The following POLR2F variants were observed in gnomAD, a reference collection of about 807,000 sequenced individuals.
The protein encoded by POLR2F is DNA-directed RNA polymerases I, II, and III subunit RPABC2.
POLR2F carries 12 observed loss-of-function variants against 22.7 expected under a neutral mutation model. The observed-to-expected ratio is 0.53, with a 90% confidence interval of 0.34 to 0.86. The LOEUF (loss-of-function observed/expected upper bound fraction) is 0.86. Ranked by LOEUF, POLR2F falls within the 40% of genes least tolerant of loss-of-function variation. The pLI, the probability that POLR2F is intolerant of heterozygous loss-of-function variation, is 0.02. For synonymous variants in POLR2F, 57 were observed against 66.0 expected (o/e 0.86, Z 0.66); for missense variants, 126 against 171.5 (o/e 0.73, Z 1.48).
intron 5 of POLR2F, chr22:38,040,962 A>G: frequency 6.4e-7 from 1 of 1,565,054 alleles, no homozygotes. Context: ...AATGATGACA[A>G]CAGTGACGTT....
chr22:37,991,263 G>A (rs903544136), intron 1 of POLR2F, among the ~76,000 whole-genome samples: 4 of 152,074 alleles, frequency 2.6e-5, no homozygotes, highest in Admixed American at 6.6e-5. Context: ...CACTACCGGC[G>A]CATGCCACCA....
intron 5 of POLR2F, among the ~76,000 whole-genome samples, chr22:38,037,792 C>G (rs2085131111): frequency 6.6e-6 from 1 of 152,112 alleles, no homozygotes; most frequent in South Asian, 2.1e-4. Flanking sequence ...GAGGTTTCAC[C>G]ACGTTGGCCA....
In POLR2F at chr22:37,967,708, C is replaced by T. The variant is rs1487097082; in HGVS notation, c.377C>T (p.Thr126Ile). 6.2e-7 allele frequency: 1 copy of T among 1,613,356 alleles called. No homozygotes were observed. Among genetic ancestry groups the T allele is most frequent in the Non-Finnish European group, 8.5e-7 (1 of 1,179,700 alleles). The change falls in exon 5 of 5, where the codon ACC becomes ATC. Residue 126 changes from threonine to isoleucine, a missense_variant. Transcript: ENST00000442738. ...EDWGVDELIITD is the reference protein window; with the variant it reads ...EDWGVDELIIID ...TGGGGGGTGGACGAGCTCATCATCACCGACTGAGCTGGAGTCATCTTCCTG... is the reference window on the plus strand; with the variant it reads ...TGGGGGGTGGACGAGCTCATCATCATCGACTGAGCTGGAGTCATCTTCCTG...
At chr22:38,020,200 C>CAT (rs973242663) in intron 1 of POLR2F, among the ~76,000 whole-genome samples, 130 of 114,912 alleles carry the variant, frequency 1.1e-3, no homozygotes, top group Middle Eastern at 4.3e-3. Flanking sequence ...TACACACACA[C>CAT]ATATATACAC....
rs1167924010 is a variant in POLR2F at position 38,016,409 on chromosome 22, C to A, written c.121-9460C>A. On this transcript the variant is annotated intron_variant, in intron 1 of 2. Transcript: ENST00000333418. The surrounding 1 kb of genome is among the most constrained non-coding windows in gnomAD (Gnocchi z 4.4). ...AGGAAGTGCTGCGCTTGACACACGC[C>A]CCCATCCGCCACCTCCCAGAGAAGG... 6.6e-6 allele frequency among the ~76,000 whole-genome samples: 1 copy of A among 152,234 alleles called. No individual in the cohort carries two copies. The highest frequency in any genetic ancestry group is 2.4e-5 in the African/African-American group (1 of 41,460).
Position 37,959,336 on chromosome 22 carries a change from T to C in POLR2F, c.91-10T>C, listed in dbSNP as rs6000955. ...CTGAGTCTTTCCCTCTTTTTTGTCT[T>C]GGTGTCCAGGAAGGCCAGGAGAATG... On this transcript the variant is annotated splice_polypyrimidine_tract_variant and intron_variant, in intron 2 of 4. Coordinates refer to ENST00000442738, the MANE Select transcript of POLR2F (RefSeq NM_021974.5). The C allele has an allele frequency of 6.6e-3, 10,581 of 1,612,570 alleles. 578 individuals carry two copies. The African/African-American group carries it at 0.12, about 19-fold the overall frequency.
intron 5 of POLR2F, among the ~76,000 whole-genome samples, chr22:38,034,475 C>T (rs1177252346): frequency 6.6e-6 from 1 of 152,198 alleles, no homozygotes. Flanking sequence ...TAATGCAAAA[C>T]CAGCGACCTC....
At chr22:37,976,245 AAGAC>A (rs1932216346) in intron 4 of POLR2F, among the ~76,000 whole-genome samples, 3 of 152,118 alleles carry the variant, frequency 2.0e-5, no homozygotes, top group Non-Finnish European at 2.9e-5. Flanking sequence ...AAACAAAAAA[AAGAC>A]AGAGTCTTAC....
chr22:37,986,376 C>T lies in POLR2F; in HGVS notation c.120+64C>T. Reference sequence around the variant, plus strand: ...TCTTTGAGGAAAGGACCTCCCCGCTCTCTGCTGTGTCTGTGACTGGCCTGA... The same window carrying T: ...TCTTTGAGGAAAGGACCTCCCCGCTTTCTGCTGTGTCTGTGACTGGCCTGA... On this transcript the variant is annotated intron_variant, in intron 1 of 2. Transcript: ENST00000333418. This position sits in a 1 kb window ranked among gnomAD's most constrained non-coding sequence, Gnocchi z 4.7. 2.6e-6 allele frequency: 4 copies of T among 1,529,208 alleles called. No homozygotes were observed. Among genetic ancestry groups the T allele is most frequent in the Admixed American group, 3.9e-5 (2 of 50,662 alleles). The allele number at this position is 1,529,208 out of a possible 1,614,324, so 94.7% of individuals were successfully genotyped here.
intron 1 of POLR2F, among the ~76,000 whole-genome samples, chr22:37,999,753 C>A (rs990647318): frequency 6.6e-6 from 1 of 152,162 alleles, no homozygotes; most frequent in Non-Finnish European, 1.5e-5. Flanking sequence ...CTCTCTGAGC[C>A]CCGGGGTTTC....
chr22:37,973,424 G>C, downstream of POLR2F: 1 of 1,023,786 alleles, frequency 9.8e-7, no homozygotes, highest in Non-Finnish European at 1.4e-6. Flanking sequence ...CCAGGCCTGA[G>C]GTGGGCAAGG....
Position 37,974,604 on chromosome 22 carries a change from C to T in POLR2F, c.293+7434C>T, listed in dbSNP as rs1228233491. The stretch of plus-strand genomic sequence containing the variant: ...CTGACCTCAGGTGATCCACCTGCCT[C>T]GGCCTCCCAAAGTGCTGGGATTACC... On this transcript the variant is annotated intron_variant, in intron 4 of 4. Coordinates refer to the POLR2F transcript ENST00000405557. The surrounding 1 kb of genome is among the most constrained non-coding windows in gnomAD (Gnocchi z 5.4). 2.0e-5 allele frequency among the ~76,000 whole-genome samples: 3 copies of T among 152,120 alleles called. No homozygotes were observed. The highest frequency in any genetic ancestry group is 6.5e-5 in the Admixed American group (1 of 15,280).
Position 38,007,602 on chromosome 22 carries a change from C to T in POLR2F, c.121-18267C>T, listed in dbSNP as rs369770308. Among the ~76,000 whole-genome samples, 350 of 152,326 alleles carry T rather than the reference C, an allele frequency of 2.3e-3. 2 individuals are homozygous for T. The highest frequency in any genetic ancestry group is 3.5e-3 in the Non-Finnish European group (237 of 68,012). On this transcript the variant is annotated intron_variant, in intron 1 of 2. Coordinates refer to the POLR2F transcript ENST00000333418. ...CAAAATGAGATGGAAAGCCATGCCTCCCAGGGCTTCTGGTGGCTGGCAGGT... is the reference window on the plus strand; with the variant it reads ...CAAAATGAGATGGAAAGCCATGCCTTCCAGGGCTTCTGGTGGCTGGCAGGT...
chr22:37,968,132 G>A lies in POLR2F; in HGVS notation c.*417G>A. ...CTTCTCCCTTCTCAGGAGTATCACA[G>A]AGCAGGTCTCATCAAGCCACCCATT... is the stretch of plus-strand genomic sequence containing the variant. On this transcript the variant is annotated 3_prime_UTR_variant, in exon 5 of 5. Transcript: ENST00000442738. 1 of 988,222 alleles carries A rather than the reference G, an allele frequency of 1.0e-6. No homozygotes were observed. The allele number at this position is 988,222 out of a possible 1,614,324, so 61.2% of individuals were successfully genotyped here. A position where few individuals can be genotyped will look rare whatever the true frequency, so the allele number is the denominator to read the frequency against.
chr22:37,978,985 C>T lies in POLR2F; in HGVS notation c.293+11815C>T, dbSNP rs1208462495. On this transcript the variant is annotated intron_variant, in intron 4 of 4. Coordinates refer to the POLR2F transcript ENST00000405557. The surrounding 1 kb of genome is among the most constrained non-coding windows in gnomAD (Gnocchi z 5.0). ...AGAGATGGGGTTTCACCATGTTGAC[C>T]AGGCTGGTCTCCAACTCCTGACCTT... Among the ~76,000 whole-genome samples the T allele has an allele frequency of 6.6e-6, 1 of 152,162 alleles. No individual in the cohort carries two copies. Among genetic ancestry groups the T allele is most frequent in the African/African-American group, 2.4e-5 (1 of 41,442 alleles).
chr22:38,011,620 A>G (rs1004706538), intron 1 of POLR2F, among the ~76,000 whole-genome samples: 1 of 152,142 alleles, frequency 6.6e-6, no homozygotes, highest in Non-Finnish European at 1.5e-5. Flanking sequence ...CCACTGATGT[A>G]TGCCTTTATG....
chr22:38,025,748 C>T (rs1359031232), intron 1 of POLR2F: 2 of 1,533,964 alleles, frequency 1.3e-6, no homozygotes, highest in Non-Finnish European at 1.8e-6. Flanking sequence ...CTGATGGTCT[C>T]ACCCGAGCTG....
chr22:38,036,771 G>A (rs780559630), intron 5 of POLR2F, among the ~76,000 whole-genome samples: 7 of 151,846 alleles, frequency 4.6e-5, no homozygotes, highest in African/African-American at 7.3e-5. Flanking sequence ...TTCCCCCAGC[G>A]TTCAGAGCTG....
Position 38,016,870 on chromosome 22 carries a change from G to A in POLR2F, c.121-8999G>A, listed in dbSNP as rs1177436447. Among the ~76,000 whole-genome samples the A allele has an allele frequency of 6.6e-6, 1 of 152,098 alleles. No homozygotes were observed. The highest frequency in any genetic ancestry group is 6.5e-5 in the Admixed American group (1 of 15,284). ...GATACAAGCTGGGGAGGGAAGAGGA[G>A]GGCAGAAAAGAAAGAGCAGAGCAAG... On this transcript the variant is annotated intron_variant, in intron 1 of 2. Coordinates refer to the POLR2F transcript ENST00000333418. This position sits in a 1 kb window ranked among gnomAD's most constrained non-coding sequence, Gnocchi z 4.4.
Sources: gnomAD v4.1 joint callset for allele counts (sites outside exome capture counted in the v4.1 genomes callset) on GRCh38, gnomAD v4.1.1 for gene constraint, Gnocchi (gnomAD v3.1) non-coding constraint, MANE v1.5 for transcripts, NCBI Gene and HGNC (gene_info 2026-07-23, HGNC 2026-07-21) for gene names.